The following UPP2 variants were observed in gnomAD, a reference collection of about 807,000 sequenced individuals.
UPP2 encodes the protein uridine phosphorylase 2.
UPP2 carries 23 observed loss-of-function variants against 26.7 expected under a neutral mutation model. The observed-to-expected ratio is 0.86, with a 90% CI of 0.62 to 1.22. UPP2 has a LOEUF of 1.22. Among genes scored for constraint, UPP2 ranks in the 50% most tolerant of loss-of-function variants. UPP2 has a pLI of 0.00. For synonymous variants in UPP2, 127 were observed against 141.3 expected (o/e 0.90, Z 0.72); for missense variants, 387 against 396.7 (o/e 0.98, Z 0.21).
intron 2 of UPP2, among the ~76,000 whole-genome samples, chr2:158,112,094 T>G (rs940903497): frequency 2.0e-5 from 3 of 152,164 alleles, no homozygotes; most frequent in African/African-American, 7.2e-5. Context: ...TTTGCAGAAC[T>G]TGACAAGCTT....
chr2:158,023,820 C>T (rs968128092), intron 3 of UPP2, among the ~76,000 whole-genome samples: 5 of 152,176 alleles, frequency 3.3e-5, no homozygotes, highest in African/African-American at 9.7e-5. Context: ...GTTGCCAGGT[C>T]ACTGTGGTGG....
At chr2:158,092,930 C>T (rs1463346231) in intron 3 of UPP2, among the ~76,000 whole-genome samples, 2 of 151,926 alleles carry the variant, frequency 1.3e-5, no homozygotes, top group Non-Finnish European at 2.9e-5. Flanking sequence ...TGCAAAGAAT[C>T]ATGTAATCAT....
chr2:158,110,393 T>C (rs1016839427), intron 2 of UPP2, among the ~76,000 whole-genome samples: 9 of 152,306 alleles, frequency 5.9e-5, no homozygotes, highest in South Asian at 2.1e-4. Context: ...CAGTCTGTCA[T>C]TGATGAACAT....
chr2:158,015,807 C>T (rs775160203), exon 3 of UPP2: 18 of 453,532 alleles, frequency 4.0e-5, no homozygotes, highest in Non-Finnish European at 1.8e-5. Context: ...TAAGATGTGC[C>T]TGCTTCCCCT....
intron 2 of UPP2, among the ~76,000 whole-genome samples, chr2:158,113,511 TAAG>T (rs1420597312): frequency 3.3e-5 from 5 of 152,138 alleles, no homozygotes; most frequent in African/African-American, 9.7e-5. Context: ...GAGAAACTCA[TAAG>T]AAGGCAGAGA....
At chr2:158,130,386 G>A (rs572836518) in intron 6 of UPP2, among the ~76,000 whole-genome samples, 86 of 150,712 alleles carry the variant, frequency 5.7e-4, no homozygotes, top group African/African-American at 2.0e-3. Flanking sequence ...AGGAGGCAGA[G>A]CTTGCAGTGA....
intron 4 of UPP2, among the ~76,000 whole-genome samples, chr2:158,118,162 C>T (rs908018592): frequency 5.3e-5 from 8 of 151,526 alleles, no homozygotes; most frequent in Non-Finnish European, 1.0e-4. Context: ...CTGCCTATTG[C>T]GGGATAGTCT....
chr2:158,021,612 G>T (rs540302847), intron 3 of UPP2, among the ~76,000 whole-genome samples: 1 of 152,314 alleles, frequency 6.6e-6, no homozygotes, highest in South Asian at 2.1e-4. Flanking sequence ...TATCTCACCT[G>T]TCACTATGAT....
chr2:158,054,191 G>A (rs1448997358), intron 3 of UPP2, among the ~76,000 whole-genome samples: 1 of 152,100 alleles, frequency 6.6e-6, no homozygotes, highest in Non-Finnish European at 1.5e-5. Context: ...GAACCTGGGG[G>A]AGGTTGCAAT....
Position 158,134,808 on chromosome 2 carries a change from A to T in UPP2, c.872A>T (p.His291Leu), listed in dbSNP as rs773336884. The T allele has an allele frequency of 1.9e-6, 3 of 1,613,802 alleles. No individual in the cohort carries two copies. Among genetic ancestry groups the T allele is most frequent in the Non-Finnish European group, 2.5e-6 (3 of 1,179,808 alleles). Residue 291 changes from histidine to leucine, a missense_variant, in exon 7 of 7, where the codon CAT (histidine) becomes CTT (leucine). By Grantham distance (99) the His-to-Leu change is moderately conservative. Transcript: ENST00000005756. The part of the protein sequence containing the change: ...RLDCDQINLP[H>L]DVLVEYQQRP... ...GACTGTGATCAGATCAACTTGCCTC[A>T]TGATGTCCTGGTGGAGTACCAGCAA...
rs370239188 is a variant in UPP2 at position 158,006,615 on chromosome 2, T to C, written c.62-9186T>C. ...CAGAAACAAGGGAGAGATACTTACC[T>C]CACATTTTAAAAAATAAAGGGACCA... On this transcript the variant is annotated intron_variant, in intron 2 of 9. Coordinates refer to the UPP2 transcript ENST00000605860. 6.6e-5 allele frequency among the ~76,000 whole-genome samples: 10 copies of C among 151,656 alleles called. No individual in the cohort carries two copies. The South Asian group carries it at 1.5e-3, about 22-fold the overall frequency.
intron 3 of UPP2, among the ~76,000 whole-genome samples, chr2:158,054,393 T>TC (rs1682214494): frequency 6.6e-6 from 1 of 151,630 alleles, no homozygotes; most frequent in African/African-American, 2.4e-5. Flanking sequence ...AGGTTTTTTT[T>TC]TTTTTTTAAA....
intron 3 of UPP2, among the ~76,000 whole-genome samples, chr2:158,076,840 A>T (rs1298026883): frequency 6.6e-6 from 1 of 152,126 alleles, no homozygotes. Flanking sequence ...GAAGAGAAAG[A>T]TATAAAGGGC....
At chr2:158,067,091 A>G (rs904101148) in intron 3 of UPP2, among the ~76,000 whole-genome samples, 2 of 152,114 alleles carry the variant, frequency 1.3e-5, no homozygotes, top group Admixed American at 6.5e-5. Flanking sequence ...TTCTTGCAAA[A>G]AAAAGAAGCA....
At chr2:158,119,458 A>G (rs2105225769) in intron 4 of UPP2, among the ~76,000 whole-genome samples, 1 of 152,116 alleles carries the variant, frequency 6.6e-6, no homozygotes, top group East Asian at 1.9e-4. Flanking sequence ...TTGCGTTTGG[A>G]GATGAAAGAT....
At chr2:158,009,758 G>C (rs940123670) in intron 2 of UPP2, among the ~76,000 whole-genome samples, 3 of 152,180 alleles carry the variant, frequency 2.0e-5, no homozygotes, top group Admixed American at 6.5e-5. Context: ...CAGACTTCTT[G>C]CTTTGCACAG....
At chr2:158,040,398 A>G (rs919681675) in intron 3 of UPP2, among the ~76,000 whole-genome samples, 1 of 152,250 alleles carries the variant, frequency 6.6e-6, no homozygotes, top group Non-Finnish European at 1.5e-5. Context: ...AAAGGGAAAA[A>G]GAAGCCAGAA....
upstream of UPP2, among the ~76,000 whole-genome samples, chr2:158,098,053 G>A: frequency 6.6e-6 from 1 of 152,222 alleles, no homozygotes; most frequent in South Asian, 2.1e-4. Flanking sequence ...TGTTTATACT[G>A]TCATTAACAC....
upstream of UPP2, among the ~76,000 whole-genome samples, chr2:158,097,195 T>A (rs1293695853): frequency 1.3e-5 from 2 of 152,174 alleles, no homozygotes; most frequent in Non-Finnish European, 2.9e-5. Context: ...ATGATAAGTA[T>A]GACACTTCTT....
Sources: gnomAD v4.1 joint callset for allele counts (sites outside exome capture counted in the v4.1 genomes callset) on GRCh38, gnomAD v4.1.1 for gene constraint, MANE v1.5 for transcripts, NCBI Gene and HGNC (gene_info 2026-07-23, HGNC 2026-07-21) for gene names.